The following SLC40A1 variants were observed in gnomAD, a reference collection of about 807,000 sequenced individuals.
SLC40A1 encodes ferroportin.
Under a neutral mutation model 53.5 loss-of-function variants are expected in SLC40A1, and 16 were observed. That is an observed-to-expected ratio of 0.30 (90% CI 0.20 to 0.45). The LOEUF (loss-of-function observed/expected upper bound fraction) is 0.45. SLC40A1 is among the 20% of genes least tolerant of loss of function. The pLI is 1.00. For synonymous variants in SLC40A1, 247 were observed against 253.2 expected (o/e 0.98, Z 0.23); for missense variants, 545 against 695.4 (o/e 0.78, Z 2.43).
chr2:189,574,366 C>T (rs1390535400), intron 3 of SLC40A1, among the ~76,000 whole-genome samples: 1 of 152,154 alleles, frequency 6.6e-6, no homozygotes, highest in Admixed American at 6.5e-5. Flanking sequence ...TGACCATTTT[C>T]CTAGTAGCAT....
At chr2:189,574,697 G>C (rs1209309289) in intron 3 of SLC40A1, among the ~76,000 whole-genome samples, 1 of 151,940 alleles carries the variant, frequency 6.6e-6, no homozygotes, top group African/African-American at 2.4e-5. Flanking sequence ...TGTGATCCAG[G>C]CTCAACTATT....
At chr2:189,568,783 C>A (rs991301998) in intron 5 of SLC40A1, among the ~76,000 whole-genome samples, 1 of 152,112 alleles carries the variant, frequency 6.6e-6, no homozygotes, top group African/African-American at 2.4e-5. Flanking sequence ...ATCAATACCA[C>A]ACGAACACAA....
chr2:189,564,295 C>CT, intron 6 of SLC40A1, 70 bp from the exon 7 acceptor site: 1 of 1,377,880 alleles, frequency 7.3e-7, no homozygotes, highest in Non-Finnish European at 1.0e-6. Context: ...ATTAGTAGTA[C>CT]TTTTTTTCCT....
intron 7 of SLC40A1, among the ~76,000 whole-genome samples, chr2:189,563,057 T>G (rs2105619386): frequency 6.6e-6 from 1 of 151,932 alleles, no homozygotes; most frequent in East Asian, 1.9e-4. Context: ...AAGTAATCAC[T>G]TGAGCTCAGT....
chr2:189,574,183 T>C (rs959456856), intron 3 of SLC40A1, among the ~76,000 whole-genome samples: 16 of 152,328 alleles, frequency 1.1e-4, no homozygotes, highest in Middle Eastern at 6.8e-3. Flanking sequence ...CAATATTCTT[T>C]CCTAATCTAT....
chr2:189,560,861 T>C lies in SLC40A1; in HGVS notation c.*1017A>G, dbSNP rs2030716149. 6.6e-6 allele frequency: 1 copy of C among 152,510 alleles called. No individual in the cohort carries two copies. The highest frequency in any genetic ancestry group is 6.5e-5 in the Admixed American group (1 of 15,280). The allele number at this position is 152,510 out of a possible 1,614,324, so 9.4% of individuals were successfully genotyped here. A position where few individuals can be genotyped will look rare whatever the true frequency, so the allele number is the denominator to read the frequency against. On this transcript the variant is annotated 3_prime_UTR_variant, in exon 8 of 8. Transcript: ENST00000261024. ...TTTTCTTCTATTCTTCTCAAAGGCATTTGAAAGGGATACTTTTATGAATAT... is the reference window on the plus strand; with the variant it reads ...TTTTCTTCTATTCTTCTCAAAGGCACTTGAAAGGGATACTTTTATGAATAT...
Position 189,565,565 on chromosome 2 carries a change from T to G in SLC40A1, c.549A>C (p.Leu183Phe). 1 of 1,614,232 alleles carries G rather than the reference T, an allele frequency of 6.2e-7. No individual in the cohort carries two copies. Among genetic ancestry groups the G allele is most frequent in the Non-Finnish European group, 8.5e-7 (1 of 1,180,030 alleles). Reference protein sequence around the residue: ...MNATIRRIDQLTNILAPMAVG... With the variant: ...MNATIRRIDQFTNILAPMAVG... The stretch of plus-strand genomic sequence containing the variant: ...CAGCCATGGGGGCTAAGATGTTGGT[T>G]AACTGGTCAATCCTTCGTATTGTGG... The change falls in exon 6 of 8, where the codon TTA becomes TTC. Residue 183 changes from leucine (L) to phenylalanine (F), a missense_variant. By Grantham distance (22) the Leu-to-Phe change is conservative. This residue lies in a region of SLC40A1 where 197 missense variants were observed against 278.8 expected (regional missense o/e 0.71). Coordinates refer to ENST00000261024, the MANE Select transcript of SLC40A1 (RefSeq NM_014585.6).
At chr2:189,573,969 CAGA>C (rs1239533715) in intron 3 of SLC40A1, among the ~76,000 whole-genome samples, 1 of 151,950 alleles carries the variant, frequency 6.6e-6, no homozygotes, top group Non-Finnish European at 1.5e-5. Flanking sequence ...CCCTACAGAC[CAGA>C]AGAAGAAAAG....
chr2:189,567,029 G>A (rs1414887199), intron 5 of SLC40A1, among the ~76,000 whole-genome samples: 2 of 152,154 alleles, frequency 1.3e-5, no homozygotes, highest in African/African-American at 2.4e-5. Flanking sequence ...GTGACAAAAC[G>A]AGAGGGGGCC....
chr2:189,571,897 A>G, intron 4 of SLC40A1, 56 bp from the exon 5 acceptor site: 2 of 1,102,750 alleles, frequency 1.8e-6, no homozygotes, highest in Non-Finnish European at 2.8e-6. Context: ...CACTGTACAT[A>G]TGTCACTAAA....
In SLC40A1 at chr2:189,568,158, T is replaced by C. The variant is rs143018328; in HGVS notation, c.515-2559A>G. Among the ~76,000 whole-genome samples, 332 of 151,856 alleles carry C rather than the reference T, an allele frequency of 2.2e-3. 1 individual carries two copies. Among genetic ancestry groups the C allele is most frequent in the African/African-American group, 7.7e-3 (320 of 41,440 alleles). On this transcript the variant is annotated intron_variant, in intron 5 of 7. Transcript: ENST00000261024. ...AAATGTTGTATTAAAAAACAGCTTT[T>C]ATTTTTCTGATGCAGAATGGATAAT...
At chr2:189,564,654 C>G (rs2030872285) in intron 6 of SLC40A1, among the ~76,000 whole-genome samples, 1 of 152,270 alleles carries the variant, frequency 6.6e-6, no homozygotes, top group Admixed American at 6.5e-5. Context: ...TCCTGGCTAA[C>G]ATGGTGAAAC....
intron 5 of SLC40A1, among the ~76,000 whole-genome samples, chr2:189,570,222 A>G (rs534591866): frequency 8.5e-4 from 129 of 152,092 alleles, no homozygotes; most frequent in Non-Finnish European, 1.6e-3. Context: ...AGTTAAAATC[A>G]GTTAAGTGAA....
intron 5 of SLC40A1, 107 bp from the exon 6 acceptor site, chr2:189,565,706 G>A (rs2030919282): frequency 6.7e-7 from 1 of 1,491,802 alleles, no homozygotes; most frequent in African/African-American, 1.4e-5. Flanking sequence ...TTCCTAAAAT[G>A]TGGTTTTCTA....
chr2:189,573,402 T>C (rs1191286822), intron 3 of SLC40A1, among the ~76,000 whole-genome samples: 1 of 152,162 alleles, frequency 6.6e-6, no homozygotes, highest in Admixed American at 6.5e-5. Flanking sequence ...GATAATATGG[T>C]TTACCTAAAT....
chr2:189,567,316 G>A (rs747995272), intron 5 of SLC40A1, among the ~76,000 whole-genome samples: 1 of 152,090 alleles, frequency 6.6e-6, no homozygotes, highest in Admixed American at 6.5e-5. Flanking sequence ...GTTTGACTAC[G>A]GGAATGTATT....
chr2:189,575,509 C>T (rs888486034), intron 2 of SLC40A1, among the ~76,000 whole-genome samples, 189 bp from the exon 3 acceptor site: 2 of 152,206 alleles, frequency 1.3e-5, no homozygotes, highest in African/African-American at 2.4e-5. Context: ...GGAAAATATT[C>T]TTGCCCAATT....
chr2:189,572,875 G>A lies in SLC40A1; in HGVS notation c.358C>T (p.Leu120Phe), dbSNP rs745342705. ...ACCCATCCATGGTACATGGTCAGAA[G>A]CTCATGTTTATGTAAGAAAACCATC... is the stretch of plus-strand genomic sequence containing the variant. ...LMMVFLHKHE[L>F]LTMYHGWVLT... The change falls in exon 4 of 8, where the codon CTT becomes TTT. Residue 120 changes from leucine (L) to phenylalanine (F), a missense_variant. Transcript: ENST00000261024. 18 of 1,613,486 alleles carry A rather than the reference G, an allele frequency of 1.1e-5. No homozygotes were observed. Among genetic ancestry groups the A allele is most frequent in the Non-Finnish European group, 1.5e-5 (18 of 1,179,466 alleles).
In SLC40A1 at chr2:189,563,598, A is replaced by G. The variant is rs772010846; in HGVS notation, c.1388T>C (p.Ile463Thr). The G allele has an allele frequency of 8.7e-6, 14 of 1,613,880 alleles. No individual in the cohort carries two copies. The highest frequency in any genetic ancestry group is 1.3e-5 in the African/African-American group (1 of 74,904). The change falls in exon 7 of 8, where the codon ATT becomes ACT. Residue 463 changes from isoleucine (I) to threonine (T), a missense_variant. By Grantham distance (89) the Ile-to-Thr change is moderately conservative. Coordinates refer to ENST00000261024, the MANE Select transcript of SLC40A1 (RefSeq NM_014585.6). Reference protein sequence around the residue: ...ISVSLLFAGVIAARIGLWSFD... With the variant: ...ISVSLLFAGVTAARIGLWSFD... ...AGATTTCTTACCGATTCTAGCAGCA[A>G]TGACGCCTGCAAACAGCAGACTGAC...
Sources: allele counts gnomAD v4.1 joint callset (sites outside exome capture counted in the v4.1 genomes callset), GRCh38; gene constraint gnomAD v4.1.1; regional missense constraint gnomAD v4.1.1; transcripts MANE v1.5; gene names NCBI Gene and HGNC (gene_info 2026-07-23, HGNC 2026-07-21).